Variants in BORCS5 observed in about 807,000 individuals in gnomAD.
BORCS5 encodes the protein BLOC-1 related complex subunit 5, also known as BLOC-1-related complex subunit 5.
A neutral mutation model predicts 22.1 loss-of-function variants in BORCS5; 17 were observed. That is an observed-to-expected ratio of 0.77 (90% CI 0.53 to 1.15). The LOEUF (loss-of-function observed/expected upper bound fraction) is 1.15. Among genes scored for constraint, BORCS5 ranks in the 50% most tolerant of loss-of-function variants. BORCS5 has a pLI of 0.00. For missense variants in BORCS5, 247 were observed against 253.2 expected, an observed-to-expected ratio of 0.98 and a Z score of 0.17; for synonymous variants, 117 against 99.8, an observed-to-expected ratio of 1.17 and a Z score of -1.03.
intron 2 of BORCS5, among the ~76,000 whole-genome samples, chr12:12,397,458 A>G (rs1344578885): frequency 6.6e-6 from 1 of 152,252 alleles, no homozygotes; most frequent in Non-Finnish European, 1.5e-5. Context: ...TCGCTTCTGC[A>G]TTCTGATAAT....
chr12:12,378,326 C>T (rs1301726345), intron 2 of BORCS5, among the ~76,000 whole-genome samples: 7 of 152,262 alleles, frequency 4.6e-5, no homozygotes, highest in East Asian at 1.9e-4. Flanking sequence ...GAGCCAAGAT[C>T]GTGCCACTGA....
intron 2 of BORCS5, among the ~76,000 whole-genome samples, chr12:12,418,790 A>G (rs1044344866): frequency 6.6e-6 from 1 of 152,180 alleles, no homozygotes; most frequent in Admixed American, 6.5e-5. Flanking sequence ...ACAAGCATAT[A>G]GTTGGATCAG....
At chr12:12,381,657 T>C (rs751569554) in intron 2 of BORCS5, among the ~76,000 whole-genome samples, 6 of 151,518 alleles carry the variant, frequency 4.0e-5, no homozygotes, top group East Asian at 1.9e-4. Flanking sequence ...CTTAGGACTT[T>C]CATAGTTTTG....
intron 2 of BORCS5, among the ~76,000 whole-genome samples, chr12:12,364,035 A>G (rs755306693): frequency 6.6e-6 from 1 of 152,208 alleles, no homozygotes; most frequent in Non-Finnish European, 1.5e-5. Context: ...ATTATATACT[A>G]TATTATTACA....
At chr12:12,365,077 T>G (rs1192866015) in intron 2 of BORCS5, among the ~76,000 whole-genome samples, 4 of 152,256 alleles carry the variant, frequency 2.6e-5, no homozygotes, top group African/African-American at 9.6e-5. Context: ...AACTGGGACT[T>G]TGCCACCAAC....
intron 2 of BORCS5, 24 bp downstream of exon 2, chr12:12,361,373 T>C (rs774793904): frequency 1.9e-6 from 3 of 1,608,904 alleles, no homozygotes; most frequent in African/African-American, 1.3e-5. Context: ...TTTTGTTTTA[T>C]CTGAACTTGC....
intron 2 of BORCS5, among the ~76,000 whole-genome samples, chr12:12,364,676 A>G (rs1474679580): frequency 6.6e-6 from 1 of 152,162 alleles, no homozygotes; most frequent in African/African-American, 2.4e-5. Context: ...ATTTGAAGTC[A>G]TCACTGAGGG....
At position 12,393,812 on chromosome 12, in the gene BORCS5, C is replaced by T. The variant is rs535324312; in HGVS notation, c.202+32463C>T. Among the ~76,000 whole-genome samples the T allele has an allele frequency of 7.6e-4, 115 of 151,848 alleles. 1 individual carries two copies. The highest frequency in any genetic ancestry group is 2.7e-3 in the African/African-American group (110 of 41,280). On this transcript the variant is annotated intron_variant, in intron 2 of 3. Transcript: ENST00000314565. ...CTGGGATTATAGGTGTGAGCCATCG[C>T]GCCCGGCCTTTGTCTCTATTTTTGA...
At chr12:12,438,385 A>AAAAAAAAAAAAAAAAAAAAAAAAAAAC (rs1555156048) in intron 3 of BORCS5, among the ~76,000 whole-genome samples, 1 of 126,112 alleles carries the variant, frequency 7.9e-6, no homozygotes, top group African/African-American at 3.3e-5. Flanking sequence ...AAAAAACGAA[A>AAAAAAAAAAAAAAAAAAAAAAAAAAAC]AACAACAACA....
At chr12:12,412,249 T>C (rs1161203270) in intron 2 of BORCS5, among the ~76,000 whole-genome samples, 2 of 152,218 alleles carry the variant, frequency 1.3e-5, no homozygotes, top group Non-Finnish European at 2.9e-5. Flanking sequence ...AATCAATGAC[T>C]ATGGGGTGTC....
chr12:12,416,154 T>C (rs1941946555), intron 2 of BORCS5, among the ~76,000 whole-genome samples: 1 of 152,196 alleles, frequency 6.6e-6, no homozygotes, highest in South Asian at 2.1e-4. Flanking sequence ...TTTATTCCCA[T>C]AGAATCGGTA....
intron 2 of BORCS5, among the ~76,000 whole-genome samples, chr12:12,402,704 C>A (rs1314365305): frequency 2.6e-5 from 4 of 152,192 alleles, no homozygotes; most frequent in African/African-American, 9.7e-5. Context: ...ATTTGATTCC[C>A]TGTCACCTTC....
chr12:12,393,403 G>C (rs1490644416), intron 2 of BORCS5, among the ~76,000 whole-genome samples: 1 of 151,950 alleles, frequency 6.6e-6, no homozygotes, highest in Admixed American at 6.6e-5. Context: ...TTCTGAACTT[G>C]AGATCAAAAA....
At chr12:12,457,059 A>C (rs182956435) in intron 3 of BORCS5, among the ~76,000 whole-genome samples, 35 of 152,258 alleles carry the variant, frequency 2.3e-4, no homozygotes, top group African/African-American at 6.5e-4. Context: ...TTCATTCTTC[A>C]TGTAAAAGAG....
intron 3 of BORCS5, among the ~76,000 whole-genome samples, chr12:12,437,328 T>C (rs1369212776): frequency 6.6e-6 from 1 of 152,254 alleles, no homozygotes; most frequent in East Asian, 1.9e-4. Context: ...GCTGTGATTG[T>C]GATGCCTCCC....
chr12:12,435,203 T>G (rs1407285186), intron 2 of BORCS5, among the ~76,000 whole-genome samples: 1 of 152,252 alleles, frequency 6.6e-6, no homozygotes, highest in East Asian at 1.9e-4. Flanking sequence ...TTTTAATTAT[T>G]TTTAAAAATT....
At chr12:12,420,837 T>C (rs1942101306) in intron 2 of BORCS5, among the ~76,000 whole-genome samples, 1 of 152,226 alleles carries the variant, frequency 6.6e-6, no homozygotes, top group Admixed American at 6.5e-5. Context: ...AGTTCACTCA[T>C]AATTTGGCTG....
intron 2 of BORCS5, among the ~76,000 whole-genome samples, chr12:12,421,129 A>G (rs1360731763): frequency 1.3e-5 from 2 of 152,008 alleles, no homozygotes; most frequent in Non-Finnish European, 2.9e-5. Flanking sequence ...TCTTGTGCCG[A>G]TTTTCAAAGG....
intron 2 of BORCS5, among the ~76,000 whole-genome samples, chr12:12,415,021 T>C (rs1282255969): frequency 2.4e-5 from 3 of 125,364 alleles, no homozygotes; most frequent in African/African-American, 5.9e-5. Context: ...CCTCGCTTCC[T>C]AGATGGGATG....
Sources: gnomAD v4.1 joint callset for allele counts (sites outside exome capture counted in the v4.1 genomes callset) on GRCh38, gnomAD v4.1.1 for gene constraint, MANE v1.5 for transcripts, NCBI Gene and HGNC (gene_info 2026-07-23, HGNC 2026-07-21) for gene names.